The following HGF variants were observed in gnomAD, a reference collection of about 807,000 sequenced individuals.
HGF encodes fibroblast-derived tumor cytotoxic factor.
In HGF, 39 loss-of-function variants were observed where a neutral mutation model predicts 111.6. The ratio of observed to expected loss-of-function variants is 0.35; its 90% CI spans 0.27 to 0.46. The LOEUF is 0.46. HGF is among the 20% of genes least tolerant of loss of function. HGF has a pLI of 1.00. For synonymous variants in HGF, 285 were observed against 294.8 expected (o/e 0.97, Z 0.34); for missense variants, 735 against 910.5 (o/e 0.81, Z 2.48).
chr7:81,714,001 T>TGTGTGC (rs955130910), intron 11 of HGF, among the ~76,000 whole-genome samples: 11 of 142,794 alleles, frequency 7.7e-5, no homozygotes, highest in African/African-American at 2.2e-4. Flanking sequence ...TGTGTGTGTG[T>TGTGTGC]GTGTGTGTGT....
chr7:81,718,094 G>A (rs1408692859), intron 10 of HGF, among the ~76,000 whole-genome samples: 1 of 152,070 alleles, frequency 6.6e-6, no homozygotes, highest in East Asian at 1.9e-4. Context: ...GATCATAAAA[G>A]TCATTAAAAC....
In HGF at chr7:81,710,090, A is replaced by C. The variant is rs988560065; in HGVS notation, c.1541+57T>G. The stretch of plus-strand genomic sequence containing the variant: ...ACCACATGTGTCCATATTTCTGGGA[A>C]TAGGACTCTCTTGTACATATTCTGG... On this transcript the variant is annotated intron_variant, in intron 13 of 17. Coordinates refer to ENST00000222390, the MANE Select transcript of HGF (RefSeq NM_000601.6). The C allele has an allele frequency of 6.0e-6, 7 of 1,175,998 alleles. No homozygotes were observed. The African/African-American group carries it at 1.1e-4, about 18-fold the overall frequency. The allele number at this position is 1,175,998 out of a possible 1,614,324, so 72.8% of individuals were successfully genotyped here.
intron 4 of HGF, chr7:81,756,816 C>A: frequency 3.8e-6 from 1 of 260,800 alleles, no homozygotes; most frequent in Non-Finnish European, 7.5e-6. Flanking sequence ...GTTAAAGAAC[C>A]CTCAGCCCTC....
At chr7:81,761,736 G>T (rs566066415) in intron 2 of HGF, among the ~76,000 whole-genome samples, 6 of 135,650 alleles carry the variant, frequency 4.4e-5, no homozygotes, top group Non-Finnish European at 7.7e-5. Flanking sequence ...AAGTAATAAG[G>T]CATCAGTTCC....
rs1194762297 is a variant in HGF at position 81,705,648 on chromosome 7, T to A, written c.1863A>T (p.Gly621=). ...CTCATCTTTTGAAAACTAGCTTACA[T>A]CCAGTGTAGCCCCAGCCATAAACAC... ...SCSVYGWGYT[G]LINYDGLLRV... Residue 621 remains glycine (G), a splice_region_variant and synonymous_variant, in exon 16 of 18, where the codon GGA becomes GGT. Coordinates refer to ENST00000222390, the MANE Select transcript of HGF (RefSeq NM_000601.6). 6.2e-7 allele frequency: 1 copy of A among 1,606,648 alleles called. No individual in the cohort carries two copies. Among genetic ancestry groups the A allele is most frequent in the Non-Finnish European group, 8.5e-7 (1 of 1,173,664 alleles).
In HGF at chr7:81,769,885, T is replaced by A. The variant is rs1237534482; in HGVS notation, c.87A>T (p.Ala29=). 6.4e-7 allele frequency: 1 copy of A among 1,562,746 alleles called. No homozygotes were observed. Among genetic ancestry groups the A allele is most frequent in the Non-Finnish European group, 8.7e-7 (1 of 1,152,224 alleles). ...ATGAAGAAGAAGAAGGGAACTAACC[T>A]GCATAGGGGATGGCGATGGGGAGCA... ...LLLLPIAIPY[A]EGQRKRRNTI... is the part of the protein sequence containing the mutation. The change falls in exon 1 of 18, where the codon GCA becomes GCT. Residue 29 remains alanine (A), a splice_region_variant and synonymous_variant. Transcript: ENST00000222390.
At chr7:81,760,796 G>A (rs10270808) in intron 2 of HGF, among the ~76,000 whole-genome samples, 2,224 of 151,400 alleles carry the variant, frequency 0.015, 50 homozygotes, top group African/African-American at 0.052. Flanking sequence ...GTGGTTTTCT[G>A]CACAGGTTGC....
Position 81,716,091 on chromosome 7 carries a change from G to A in HGF, c.1405+1141C>T, listed in dbSNP as rs5745731. ...TTAAGACGTACTTCCATCTCAATACGTATTACTAGACATCAGTGGTTACCA... is the reference window on the plus strand; with the variant it reads ...TTAAGACGTACTTCCATCTCAATACATATTACTAGACATCAGTGGTTACCA... On this transcript the variant is annotated intron_variant, in intron 11 of 17. Transcript: ENST00000222390. Among the ~76,000 whole-genome samples, 1,491 of 152,132 alleles carry A rather than the reference G, an allele frequency of 9.8e-3. 25 individuals carry two copies. Among genetic ancestry groups the A allele is most frequent in the African/African-American group, 0.034 (1,401 of 41,526 alleles).
chr7:81,742,680 A>T (rs1788053122), intron 7 of HGF: 1 of 1,326,520 alleles, frequency 7.5e-7, no homozygotes, highest in African/African-American at 1.5e-5. Context: ...ATTGAAAGGA[A>T]CAATATAAAA....
At position 81,701,645 on chromosome 7, in the gene HGF, C is replaced by T. The variant is rs1789281535; in HGVS notation, c.*936G>A. On this transcript the variant is annotated 3_prime_UTR_variant, in exon 18 of 18. Coordinates refer to ENST00000222390, the MANE Select transcript of HGF (RefSeq NM_000601.6). ...GAAATGCTTTAGGAAAATAGATCTA[C>T]AAATATCTTGTGTAAATAAGTGGCC... 6.6e-6 allele frequency: 1 copy of T among 151,486 alleles called. No individual in the cohort carries two copies. Among genetic ancestry groups the T allele is most frequent in the Non-Finnish European group, 1.5e-5 (1 of 67,646 alleles). 9.4% of individuals were successfully genotyped at this position (151,486 alleles called of 1,614,324 possible). A position where few individuals can be genotyped will look rare whatever the true frequency, so the allele number is the denominator to read the frequency against.
chr7:81,743,426 A>C lies in HGF; in HGVS notation c.792T>G (p.Asp264Glu), dbSNP rs1447708064. 3 of 1,613,794 alleles carry C rather than the reference A, an allele frequency of 1.9e-6. No homozygotes were observed. Among genetic ancestry groups the C allele is most frequent in the Non-Finnish European group, 2.5e-6 (3 of 1,179,800 alleles). Reference protein sequence around the residue: ...GFDDNYCRNPDGQPRPWCYTL... With the variant: ...GFDDNYCRNPEGQPRPWCYTL... ...TATAGCACCATGGCCTCGGCTGGCC[A>C]TCGGGATTGCGGCAATAATTATCAT... is the stretch of plus-strand genomic sequence containing the variant. Residue 264 changes from aspartate (D) to glutamate (E), a missense_variant, in exon 7 of 18, where the codon GAT (aspartate) becomes GAG (glutamate). This residue lies in a region of HGF where 553 missense variants were observed against 685.6 expected (regional missense o/e 0.81). Transcript: ENST00000222390.
At chr7:81,765,082 A>G (rs1321469921) in intron 1 of HGF, among the ~76,000 whole-genome samples, 1 of 152,096 alleles carries the variant, frequency 6.6e-6, no homozygotes, top group Non-Finnish European at 1.5e-5. Flanking sequence ...GGCCTGATAT[A>G]TAATCTATTT....
chr7:81,705,864 G>C, intron 15 of HGF, 111 bp from the exon 16 acceptor site: 3 of 480,440 alleles, frequency 6.2e-6, no homozygotes, highest in South Asian at 5.0e-5. Flanking sequence ...ATGAAGTCCT[G>C]TTTCTTAAAA....
chr7:81,742,076 G>C (rs1247086659), intron 7 of HGF, among the ~76,000 whole-genome samples: 1 of 151,896 alleles, frequency 6.6e-6, no homozygotes, highest in Non-Finnish European at 1.5e-5. Context: ...AAAAAGCAAT[G>C]AGTGGAACCA....
intron 4 of HGF, chr7:81,756,923 C>T (rs1465198513): frequency 1.5e-5 from 8 of 522,218 alleles, no homozygotes; most frequent in Admixed American, 3.3e-5. Context: ...TCCTTTTAAA[C>T]GAAGTTTACG....
At chr7:81,759,757 G>A (rs1430964322) in intron 2 of HGF, among the ~76,000 whole-genome samples, 1 of 152,024 alleles carries the variant, frequency 6.6e-6, no homozygotes, top group Non-Finnish European at 1.5e-5. Context: ...ACCCGCCTCG[G>A]CCTCCCAAAG....
rs1490790202 is a variant in HGF, at chr7:81,711,485, T to G, written c.1440A>C (p.Leu480Phe). The G allele has an allele frequency of 6.8e-7, 1 of 1,462,672 alleles. No individual in the cohort carries two copies. The allele number at this position is 1,462,672 out of a possible 1,614,324, so 90.6% of individuals were successfully genotyped here. A position where few individuals can be genotyped will look rare whatever the true frequency, so the allele number is the denominator to read the frequency against. The stretch of plus-strand genomic sequence containing the variant: ...ATATTGTGAAATATTACTTACGGTC[T>G]AAATTGACTATTGTAGGTGTGGTAT... ...EGDTTPTIVN[L>F]DHPVISCAKT... The change falls in exon 12 of 18, where the codon TTA (leucine) becomes TTC (phenylalanine). Residue 480 changes from leucine to phenylalanine, a missense_variant. This residue lies in a region of HGF where 553 missense variants were observed against 685.6 expected (regional missense o/e 0.81). Coordinates refer to ENST00000222390, the MANE Select transcript of HGF (RefSeq NM_000601.6).
chr7:81,733,384 T>C (rs1167313800), intron 7 of HGF, among the ~76,000 whole-genome samples: 1 of 151,998 alleles, frequency 6.6e-6, no homozygotes, highest in Non-Finnish European at 1.5e-5. Context: ...AATAACATTA[T>C]TATTTTTCAT....
At chr7:81,742,992 A>G in intron 7 of HGF, 1 of 1,572,372 alleles carries the variant, frequency 6.4e-7, no homozygotes, top group Non-Finnish European at 8.8e-7. Context: ...TTGGAAGGTA[A>G]GGAACTAAGG....
Sources: allele counts gnomAD v4.1 joint callset (sites outside exome capture counted in the v4.1 genomes callset), GRCh38; gene constraint gnomAD v4.1.1; regional missense constraint gnomAD v4.1.1; transcripts MANE v1.5; gene names NCBI Gene and HGNC (gene_info 2026-07-23, HGNC 2026-07-21).